USP33: variants seen among roughly 807,000 people sequenced by gnomAD.
The protein encoded by USP33 is ubiquitin carboxyl-terminal hydrolase 33.
Under a neutral mutation model 124.2 loss-of-function variants are expected in USP33, and 46 were observed. The observed-to-expected ratio is 0.37, with a 90% CI of 0.29 to 0.47. USP33 has a LOEUF of 0.47. Among genes scored for constraint, USP33 ranks in the 20% least tolerant of loss-of-function variants. The probability of loss-of-function intolerance (pLI) is 0.99; values close to 1 mark genes in which losing one functional copy is unlikely to be tolerated. For synonymous variants in USP33, 350 were observed against 352.3 expected (o/e 0.99, Z 0.07); for missense variants, 851 against 1,070.6 (o/e 0.79, Z 2.86).
chr1:77,698,966 T>C (rs1673720153), intron 22 of USP33, among the ~76,000 whole-genome samples: 1 of 152,138 alleles, frequency 6.6e-6, no homozygotes, highest in Non-Finnish European at 1.5e-5. Context: ...AGAAACCGTT[T>C]AAATACATTC....
At chr1:77,712,943 A>C (rs2101279029) in intron 20 of USP33, among the ~76,000 whole-genome samples, 1 of 152,338 alleles carries the variant, frequency 6.6e-6, no homozygotes, top group South Asian at 2.1e-4. Context: ...TAGTGTGGGG[A>C]TATGCAAAGT....
chr1:77,741,531 CAT>C lies in USP33; in HGVS notation c.81+84_81+85del. ...TCATACATATTTTTAAAATACTGCT[CAT>C]AGAGTATTACAGTAATTTATGAAAA... is the stretch of plus-strand genomic sequence containing the variant. On this transcript the variant is annotated intron_variant, in intron 2 of 23. Transcript: ENST00000370794. The C allele has an allele frequency of 3.3e-6, 5 of 1,534,670 alleles. No individual in the cohort carries two copies. The Middle Eastern group carries it at 8.7e-4, about 267-fold the overall frequency.
intron 21 of USP33, among the ~76,000 whole-genome samples, chr1:77,703,832 G>T (rs1674311670): frequency 6.6e-6 from 1 of 152,080 alleles, no homozygotes; most frequent in Non-Finnish European, 1.5e-5. Flanking sequence ...GGGCAACATG[G>T]TTAAAACCCC....
At chr1:77,721,627 C>A in intron 14 of USP33, 1 of 543,000 alleles carries the variant, frequency 1.8e-6, no homozygotes, top group Non-Finnish European at 3.2e-6. Context: ...TCTTATACTA[C>A]AGGAATTCAC....
At chr1:77,751,332 T>C (rs1203632562) in intron 1 of USP33, among the ~76,000 whole-genome samples, 6 of 152,306 alleles carry the variant, frequency 3.9e-5, no homozygotes, top group South Asian at 4.1e-4. Context: ...GGTGGCTAAA[T>C]TGCTCATCTG....
At chr1:77,740,430 T>G (rs572012170) in intron 4 of USP33, among the ~76,000 whole-genome samples, 60 of 152,016 alleles carry the variant, frequency 3.9e-4, no homozygotes, top group Non-Finnish European at 5.1e-4. Flanking sequence ...CTCGGCTCAC[T>G]GCAACCTCCG....
chr1:77,736,029 A>G, intron 6 of USP33, 27 bp downstream of exon 6: 2 of 1,522,504 alleles, frequency 1.3e-6, no homozygotes, highest in Non-Finnish European at 1.8e-6. Flanking sequence ...GTGCCATACA[A>G]AGAAGCGTTA....
At chr1:77,700,835 G>A (rs1673926922) in intron 22 of USP33, among the ~76,000 whole-genome samples, 1 of 151,662 alleles carries the variant, frequency 6.6e-6, no homozygotes, top group South Asian at 2.1e-4. Context: ...TGAGTAGCTG[G>A]GATTACAGGT....
chr1:77,726,829 C>A (rs1557842537), intron 10 of USP33, among the ~76,000 whole-genome samples: 1 of 152,028 alleles, frequency 6.6e-6, no homozygotes, highest in East Asian at 1.9e-4. Flanking sequence ...AGGAAAGAAT[C>A]TTTTTTTAGA....
At chr1:77,709,938 T>C (rs2101244731) in intron 21 of USP33, among the ~76,000 whole-genome samples, 1 of 151,768 alleles carries the variant, frequency 6.6e-6, no homozygotes, top group East Asian at 1.9e-4. Flanking sequence ...GCTATTATCA[T>C]GAGTTCACAA....
intron 15 of USP33, 37 bp downstream of exon 15, chr1:77,721,135 A>G (rs1021980672): frequency 1.2e-6 from 2 of 1,609,876 alleles, no homozygotes; most frequent in Non-Finnish European, 1.7e-6. Context: ...AGAAAAATAC[A>G]CAACATGCAA....
intron 1 of USP33, among the ~76,000 whole-genome samples, chr1:77,756,891 G>A (rs1268373825): frequency 1.3e-5 from 2 of 152,190 alleles, no homozygotes; most frequent in African/African-American, 4.8e-5. Context: ...CAGTCTTCCA[G>A]TCTCAATCTT....
chr1:77,708,085 G>A (rs992470740), intron 21 of USP33, among the ~76,000 whole-genome samples: 1 of 152,214 alleles, frequency 6.6e-6, no homozygotes. Flanking sequence ...GCAGAAGCAT[G>A]ATATTGTTGC....
chr1:77,752,173 G>C (rs1406078105), intron 1 of USP33, among the ~76,000 whole-genome samples: 1 of 150,158 alleles, frequency 6.7e-6, no homozygotes, highest in Admixed American at 6.6e-5. Context: ...ATTTCACTCT[G>C]TCGCCCAGGC....
intron 1 of USP33, among the ~76,000 whole-genome samples, chr1:77,758,788 C>T (rs1317088616): frequency 1.3e-5 from 2 of 152,188 alleles, no homozygotes; most frequent in Non-Finnish European, 2.9e-5. Context: ...AAATTCTCTA[C>T]ATCCACATAG....
At chr1:77,706,409 G>C (rs1023365768) in intron 21 of USP33, among the ~76,000 whole-genome samples, 5 of 152,094 alleles carry the variant, frequency 3.3e-5, no homozygotes, top group African/African-American at 1.2e-4. Context: ...TGAGTTGTAT[G>C]TTCTTTATAT....
At chr1:77,750,752 G>T (rs1045248455) in intron 1 of USP33, among the ~76,000 whole-genome samples, 1 of 152,186 alleles carries the variant, frequency 6.6e-6, no homozygotes, top group Non-Finnish European at 1.5e-5. Context: ...TTAGTATCCC[G>T]TATAATACAA....
At chr1:77,734,579 C>A (rs1182274554) in intron 6 of USP33, among the ~76,000 whole-genome samples, 163 bp from the exon 7 acceptor site, 2 of 152,088 alleles carry the variant, frequency 1.3e-5, no homozygotes, top group East Asian at 1.9e-4. Flanking sequence ...CTTACAATCA[C>A]CAAAATTTTG....
At chr1:77,730,325 G>A (rs781179978) in intron 8 of USP33, among the ~76,000 whole-genome samples, 2 of 152,170 alleles carry the variant, frequency 1.3e-5, no homozygotes, top group African/African-American at 4.8e-5. Flanking sequence ...ATCATTGTGA[G>A]AATGGCTGCT....
Sources: allele counts gnomAD v4.1 joint callset (sites outside exome capture counted in the v4.1 genomes callset), GRCh38; gene constraint gnomAD v4.1.1; transcripts MANE v1.5; gene names NCBI Gene and HGNC (gene_info 2026-07-23, HGNC 2026-07-21).